The following CTNNA3 variants were observed in gnomAD, a reference collection of about 807,000 sequenced individuals.
The protein encoded by CTNNA3 is catenin alpha 3.
In CTNNA3, 76 loss-of-function variants were observed where a neutral mutation model predicts 95.7. That is an observed-to-expected ratio of 0.79 (90% CI 0.66 to 0.96). The LOEUF (loss-of-function observed/expected upper bound fraction) is 0.96, where lower values mean the gene tolerates loss of function less well. CTNNA3 is among the 40% of genes least tolerant of loss of function. CTNNA3 has a pLI of 0.00. For missense variants in CTNNA3, 1,191 were observed against 1,089.8 expected (o/e 1.09, Z -1.31); for synonymous variants, 431 against 374.4 (o/e 1.15, Z -1.74).
At chr10:67,212,837 T>C (rs973622831) in intron 6 of CTNNA3, among the ~76,000 whole-genome samples, 9 of 151,928 alleles carry the variant, frequency 5.9e-5, no homozygotes, top group African/African-American at 2.2e-4. Context: ...CTAAACAGTT[T>C]ATTCACATTT....
upstream of CTNNA3, among the ~76,000 whole-genome samples, chr10:67,696,447 A>G (rs923753599): frequency 6.6e-6 from 1 of 152,232 alleles, no homozygotes; most frequent in Non-Finnish European, 1.5e-5. Flanking sequence ...AGGGAAAACA[A>G]GAGTCCAGGA....
intron 16 of CTNNA3, among the ~76,000 whole-genome samples, chr10:65,971,874 C>T (rs909789101): frequency 6.6e-6 from 1 of 151,930 alleles, no homozygotes; most frequent in South Asian, 2.1e-4. Context: ...TCTCTGATAC[C>T]AATATCTCTG....
At chr10:67,695,279 G>A (rs1306855633) in intron 1 of CTNNA3, among the ~76,000 whole-genome samples, 1 of 152,136 alleles carries the variant, frequency 6.6e-6, no homozygotes, top group African/African-American at 2.4e-5. Flanking sequence ...ACTTTCTGAT[G>A]TCTAACCCCA....
chr10:66,988,492 A>C (rs1175226030), intron 7 of CTNNA3, among the ~76,000 whole-genome samples: 2 of 152,128 alleles, frequency 1.3e-5, no homozygotes, highest in East Asian at 1.9e-4. Flanking sequence ...AAAAGCTCCA[A>C]CTTCTGTGTA....
At chr10:66,361,804 C>T (rs2092678213) in intron 12 of CTNNA3, among the ~76,000 whole-genome samples, 1 of 152,086 alleles carries the variant, frequency 6.6e-6, no homozygotes, top group South Asian at 2.1e-4. Context: ...CCCCAAAGTG[C>T]TGGAATTACA....
intron 9 of CTNNA3, among the ~76,000 whole-genome samples, chr10:66,685,599 C>T (rs963140567): frequency 6.6e-6 from 1 of 150,918 alleles, no homozygotes; most frequent in Non-Finnish European, 1.5e-5. Context: ...GTCTCGATCT[C>T]CTGACCTCGT....
At chr10:67,143,121 C>T (rs368627001) in intron 7 of CTNNA3, among the ~76,000 whole-genome samples, 1 of 151,486 alleles carries the variant, frequency 6.6e-6, no homozygotes, top group African/African-American at 2.4e-5. Context: ...TTTGCTGCAT[C>T]GATTGACTCT....
chr10:66,135,936 C>G (rs185071005), intron 13 of CTNNA3, among the ~76,000 whole-genome samples: 1,484 of 147,126 alleles, frequency 0.01, 33 homozygotes, highest in African/African-American at 0.035. Context: ...GAGTCTTGCT[C>G]TGTCGCGCAG....
At chr10:67,503,457 T>C (rs2133108714) in intron 5 of CTNNA3, among the ~76,000 whole-genome samples, 1 of 152,334 alleles carries the variant, frequency 6.6e-6, no homozygotes, top group East Asian at 1.9e-4. Context: ...TTTTTTTTAT[T>C]ATTCTGGTGT....
At chr10:67,280,626 A>G (rs759734508) in intron 5 of CTNNA3, among the ~76,000 whole-genome samples, 79 of 152,062 alleles carry the variant, frequency 5.2e-4, no homozygotes, top group Non-Finnish European at 5.4e-4. Flanking sequence ...ATAAGGTGTC[A>G]ATTCCTGGTG....
chr10:66,053,317 T>C (rs891127598), intron 15 of CTNNA3, among the ~76,000 whole-genome samples: 2 of 152,096 alleles, frequency 1.3e-5, no homozygotes, highest in African/African-American at 4.8e-5. Flanking sequence ...TAGGATGTTT[T>C]TCACACATTT....
intron 5 of CTNNA3, among the ~76,000 whole-genome samples, chr10:67,426,815 A>G (rs1290201915): frequency 2.0e-5 from 3 of 152,032 alleles, no homozygotes; most frequent in Non-Finnish European, 4.4e-5. Context: ...TTAAAAAAAA[A>G]AAAGAAAGTT....
rs1564644228 is a variant in CTNNA3 at position 66,101,807 on chromosome 10, A to C, written c.1977+1350T>G. On this transcript the variant is annotated intron_variant, in intron 14 of 17. Transcript: ENST00000433211. ...GAATGTGACTCTCTGCATCTGTTTA[A>C]AATTAGATATTTTTCAGTGTATTTA... is the stretch of plus-strand genomic sequence containing the variant. Among the ~76,000 whole-genome samples, 3 of 152,230 alleles carry C rather than the reference A, an allele frequency of 2.0e-5. No individual in the cohort carries two copies. In the South Asian group the frequency reaches 6.2e-4, roughly 31 times the overall value.
intron 7 of CTNNA3, among the ~76,000 whole-genome samples, chr10:67,030,208 T>C (rs1467151518): frequency 2.6e-5 from 4 of 152,240 alleles, no homozygotes; most frequent in African/African-American, 4.8e-5. Flanking sequence ...ATTGCATTTT[T>C]ACACTTAGCA....
intron 7 of CTNNA3, among the ~76,000 whole-genome samples, chr10:67,032,527 G>T (rs1304895870): frequency 6.6e-6 from 1 of 152,132 alleles, no homozygotes; most frequent in Non-Finnish European, 1.5e-5. Context: ...CACAAATCAG[G>T]TAAAAATACT....
At chr10:66,642,281 C>CAA (rs904779123) in intron 9 of CTNNA3, among the ~76,000 whole-genome samples, 17 of 145,302 alleles carry the variant, frequency 1.2e-4, no homozygotes, top group Admixed American at 6.2e-4. Flanking sequence ...CACACACAAA[C>CAA]ACACACACAC....
chr10:66,796,191 T>C (rs1841183732), intron 7 of CTNNA3, among the ~76,000 whole-genome samples: 2 of 152,116 alleles, frequency 1.3e-5, no homozygotes, highest in African/African-American at 4.8e-5. Flanking sequence ...TGATATGTTA[T>C]CCCCACTAAG....
At chr10:66,048,580 G>A (rs947050281) in intron 15 of CTNNA3, among the ~76,000 whole-genome samples, 17 of 152,106 alleles carry the variant, frequency 1.1e-4, no homozygotes, top group African/African-American at 1.9e-4. Context: ...CTAACACGGC[G>A]AAACCCCATC....
chr10:67,493,768 C>G (rs12411370), intron 5 of CTNNA3, among the ~76,000 whole-genome samples: 10,398 of 152,114 alleles, frequency 0.068, 430 homozygotes, highest in South Asian at 0.14. Context: ...AGTTAGTAAG[C>G]AGGTCAGCGC....
Sources: gnomAD v4.1 joint callset for allele counts (sites outside exome capture counted in the v4.1 genomes callset) on GRCh38, gnomAD v4.1.1 for gene constraint, MANE v1.5 for transcripts, NCBI Gene and HGNC (gene_info 2026-07-23, HGNC 2026-07-21) for gene names.